TOP6BL: variants seen among roughly 807,000 people sequenced by gnomAD.
TOP6BL encodes the protein type 2 DNA topoisomerase 6 subunit B-like.
the TOP6BL span, chr11:66,828,629 C>G: frequency 2.4e-5 from 9 of 371,628 alleles, no homozygotes; most frequent in Non-Finnish European, 3.5e-5. Flanking sequence ...AGGGTAGATT[C>G]AGTCCCCGTT....
the TOP6BL span, chr11:66,761,804 C>T: frequency 2.4e-6 from 2 of 817,804 alleles, no homozygotes; most frequent in Admixed American, 3.5e-5. Flanking sequence ...GCTAACTTCC[C>T]TGATAGAGAA....
At chr11:66,765,229 C>A in the TOP6BL span, among the ~76,000 whole-genome samples, 115 of 152,220 alleles carry the variant, frequency 7.6e-4, no homozygotes, top group Non-Finnish European at 1.1e-3. Flanking sequence ...TAACCACATA[C>A]TCATGCCAAT....
the TOP6BL span, among the ~76,000 whole-genome samples, chr11:66,824,302 A>G: frequency 3.3e-5 from 5 of 151,544 alleles, no homozygotes; most frequent in Admixed American, 1.3e-4. Flanking sequence ...CTGGAGTGCA[A>G]TGGCATGATC....
the TOP6BL span, chr11:66,843,292 C>A: frequency 6.3e-7 from 1 of 1,585,016 alleles, no homozygotes; most frequent in South Asian, 1.1e-5. Flanking sequence ...GCCGTTATCC[C>A]GTGGTTTAAT....
the TOP6BL span, among the ~76,000 whole-genome samples, chr11:66,780,022 A>T: frequency 1.4e-5 from 1 of 71,432 alleles, no homozygotes. Flanking sequence ...GGGTGGGGGG[A>T]GGGGGAGGGA....
the TOP6BL span, among the ~76,000 whole-genome samples, chr11:66,775,966 A>G: frequency 6.6e-6 from 1 of 152,092 alleles, no homozygotes; most frequent in Non-Finnish European, 1.5e-5. Flanking sequence ...TAATTTGGAT[A>G]ATTTATCTGT....
chr11:66,750,843 G>C, the TOP6BL span, among the ~76,000 whole-genome samples: 1 of 151,546 alleles, frequency 6.6e-6, no homozygotes, highest in Non-Finnish European at 1.5e-5. Context: ...AGGACTACAG[G>C]CATGTGCTAC....
chr11:66,799,754 C>T, the TOP6BL span, among the ~76,000 whole-genome samples: 3 of 151,788 alleles, frequency 2.0e-5, no homozygotes, highest in African/African-American at 4.8e-5. Flanking sequence ...TAGGTTCATC[C>T]GTGTCACAAA....
the TOP6BL span, chr11:66,814,136 G>C: frequency 1.8e-6 from 2 of 1,138,602 alleles, no homozygotes; most frequent in Non-Finnish European, 1.2e-6. Flanking sequence ...GCCCAGGTTG[G>C]GGTTTGGGGG....
the TOP6BL span, among the ~76,000 whole-genome samples, chr11:66,759,333 A>G: frequency 6.6e-6 from 1 of 152,216 alleles, no homozygotes; most frequent in South Asian, 2.1e-4. Flanking sequence ...CTATTAATAT[A>G]AAACTGTATA....
the TOP6BL span, among the ~76,000 whole-genome samples, chr11:66,824,057 A>C: frequency 2.0e-5 from 3 of 152,138 alleles, no homozygotes; most frequent in Non-Finnish European, 4.4e-5. Flanking sequence ...GGAAAAAGTA[A>C]TAGTACCTCA....
the TOP6BL span, among the ~76,000 whole-genome samples, chr11:66,807,245 A>G: frequency 6.6e-6 from 1 of 152,202 alleles, no homozygotes; most frequent in Non-Finnish European, 1.5e-5. Context: ...CAACCTTCTC[A>G]ATGAAGGCAA....
At chr11:66,804,843 G>T in the TOP6BL span, among the ~76,000 whole-genome samples, 3 of 151,696 alleles carry the variant, frequency 2.0e-5, no homozygotes, top group Non-Finnish European at 4.4e-5. Flanking sequence ...AGGCTGAGGC[G>T]GATGGATCAC....
the TOP6BL span, chr11:66,842,917 C>T: frequency 1.3e-6 from 2 of 1,564,976 alleles, no homozygotes; most frequent in African/African-American, 1.4e-5. Context: ...GATGCGAGCT[C>T]TGCGCTCTGC....
At chr11:66,823,877 C>G in the TOP6BL span, among the ~76,000 whole-genome samples, 1 of 152,094 alleles carries the variant, frequency 6.6e-6, no homozygotes, top group African/African-American at 2.4e-5. Flanking sequence ...TAATCTAATT[C>G]CTTGTTGAAA....
chr11:66,800,501 C>T, the TOP6BL span: 2 of 622,800 alleles, frequency 3.2e-6, no homozygotes, highest in South Asian at 2.2e-5. Flanking sequence ...TGAATGTATA[C>T]AGTTATAGTT....
chr11:66,786,297 T>G, the TOP6BL span, among the ~76,000 whole-genome samples: 1 of 144,870 alleles, frequency 6.9e-6, no homozygotes, highest in Non-Finnish European at 1.5e-5. Flanking sequence ...AACTCTGTCT[T>G]AAAAAAAAAA....
chr11:66,787,223 C>T, the TOP6BL span, among the ~76,000 whole-genome samples: 4 of 152,040 alleles, frequency 2.6e-5, no homozygotes, highest in East Asian at 1.9e-4. Flanking sequence ...CGTGAGCCAC[C>T]GTGCCCAGCC....
the TOP6BL span, chr11:66,762,235 GGCC>G: frequency 1.9e-5 from 11 of 580,054 alleles, no homozygotes; most frequent in African/African-American, 2.1e-4. Flanking sequence ...GGCCGCAGGG[GGCC>G]CGGCCGCAGA....
Sources: gnomAD v4.1 joint callset for allele counts (sites outside exome capture counted in the v4.1 genomes callset) on GRCh38, gnomAD v4.1.1 for gene constraint, MANE v1.5 for transcripts, NCBI Gene and HGNC (gene_info 2026-07-23, HGNC 2026-07-21) for gene names.